EPB41L4B: variants seen among roughly 807,000 people sequenced by gnomAD.
The protein encoded by EPB41L4B is band 4.1-like protein 4B.
Under a neutral mutation model 112.5 loss-of-function variants are expected in EPB41L4B, and 30 were observed. The ratio of observed to expected loss-of-function variants is 0.27; its 90% CI spans 0.20 to 0.36. The LOEUF is 0.36. EPB41L4B is among the 10% of genes least tolerant of loss of function. EPB41L4B has a pLI of 1.00. For synonymous variants in EPB41L4B, 408 were observed against 439.7 expected (o/e 0.93, Z 0.90); for missense variants, 1,024 against 1,133.3 (o/e 0.90, Z 1.38).
chr9:109,320,108 G>A (rs935197427), intron 1 of EPB41L4B, 33 bp downstream of exon 1: 9 of 1,399,874 alleles, frequency 6.4e-6, no homozygotes, highest in South Asian at 4.8e-5. Flanking sequence ...GGGGCGCGAG[G>A]TGCCAGTGCC....
At chr9:109,204,832 T>C (rs1020743041) in intron 18 of EPB41L4B, among the ~76,000 whole-genome samples, 1 of 152,134 alleles carries the variant, frequency 6.6e-6, no homozygotes, top group African/African-American at 2.4e-5. Flanking sequence ...GATAGTACCA[T>C]TGGTCTGTTT....
intron 1 of EPB41L4B, among the ~76,000 whole-genome samples, chr9:109,288,867 C>A (rs1180649003): frequency 2.0e-5 from 3 of 149,828 alleles, no homozygotes; most frequent in Non-Finnish European, 3.0e-5. Flanking sequence ...CCACTGCACT[C>A]TAGCCTGGAT....
At chr9:109,257,135 G>A (rs913973232) in intron 7 of EPB41L4B, among the ~76,000 whole-genome samples, 1 of 152,180 alleles carries the variant, frequency 6.6e-6, no homozygotes, top group Non-Finnish European at 1.5e-5. Flanking sequence ...AGACATTTAC[G>A]TTGTTTCAGT....
chr9:109,320,039 A>C, intron 1 of EPB41L4B, 102 bp downstream of exon 1: 1 of 952,032 alleles, frequency 1.1e-6, no homozygotes, highest in Non-Finnish European at 1.4e-6. Context: ...GGGGATCCCC[A>C]GGGAGGTGCA....
In EPB41L4B at chr9:109,262,814, A is replaced by G. The variant is rs554877409; in HGVS notation, c.631+236T>C. Among the ~76,000 whole-genome samples, 3 of 152,122 alleles carry G rather than the reference A, an allele frequency of 2.0e-5. No individual in the cohort carries two copies. The South Asian group carries it at 6.2e-4, about 32-fold the overall frequency. The stretch of plus-strand genomic sequence containing the variant: ...GACTCATGGTCTTCTCATCCCCACA[A>G]TGGGCCTTCCTTGTCCAAACCTCCT... On this transcript the variant is annotated intron_variant, in intron 6 of 25. Transcript: ENST00000374566.
chr9:109,248,915 CG>C (rs1192680420), intron 13 of EPB41L4B, among the ~76,000 whole-genome samples: 1 of 151,648 alleles, frequency 6.6e-6, no homozygotes, highest in Admixed American at 6.6e-5. Context: ...AAAAATTAGC[CG>C]GGCGTGGTGG....
At position 109,239,202 on chromosome 9, in the gene EPB41L4B, C is replaced by T. The variant is rs116850522; in HGVS notation, c.1409+4416G>A. ...GAGAAGAAAGCCCAAGTATGAATAC[C>T]AAGGCAGAGGTGAACAGACCTAGGT... On this transcript the variant is annotated intron_variant, in intron 15 of 25. Transcript: ENST00000374566. Among the ~76,000 whole-genome samples the T allele has an allele frequency of 5.7e-3, 860 of 152,202 alleles. 14 individuals are homozygous for T. In the East Asian group the frequency reaches 0.081, roughly 14 times the overall value.
At chr9:109,254,316 T>A (rs1198071423) in intron 11 of EPB41L4B, among the ~76,000 whole-genome samples, 2 of 152,224 alleles carry the variant, frequency 1.3e-5, no homozygotes, top group African/African-American at 4.8e-5. Context: ...GTGTCTCCGG[T>A]AACCTCTGCA....
intron 1 of EPB41L4B, among the ~76,000 whole-genome samples, chr9:109,316,860 T>C (rs1482389298): frequency 3.9e-5 from 6 of 152,062 alleles, no homozygotes; most frequent in Admixed American, 2.6e-4. Flanking sequence ...CCAACACTGT[T>C]AGGGGCTGAG....
intron 1 of EPB41L4B, among the ~76,000 whole-genome samples, chr9:109,292,164 T>C (rs955578700): frequency 1.3e-5 from 2 of 152,210 alleles, no homozygotes; most frequent in African/African-American, 2.4e-5. Flanking sequence ...TGTCCAAACA[T>C]GTCTAACACC....
At chr9:109,302,729 G>A (rs1213087703) in intron 1 of EPB41L4B, among the ~76,000 whole-genome samples, 1 of 152,058 alleles carries the variant, frequency 6.6e-6, no homozygotes, top group East Asian at 1.9e-4. Context: ...GTCCTATGAC[G>A]AGTCATAAAG....
rs1211340931 is a variant in EPB41L4B, at chr9:109,191,191, T to C, written c.2301+1087A>G. ...TGGAACAAAGTGAGGTCAAGGCCCA[T>C]GGTACCAAGGAAAGCCCAAAATGGA... is the stretch of plus-strand genomic sequence containing the variant. On this transcript the variant is annotated intron_variant, in intron 22 of 25. Transcript: ENST00000374566. Among the ~76,000 whole-genome samples the C allele has an allele frequency of 5.3e-5, 8 of 152,264 alleles. No homozygotes were observed. In the South Asian group the frequency reaches 1.5e-3, roughly 28 times the overall value.
At chr9:109,287,165 T>C (rs924107868) in intron 1 of EPB41L4B, among the ~76,000 whole-genome samples, 24 of 152,228 alleles carry the variant, frequency 1.6e-4, no homozygotes, top group African/African-American at 5.8e-4. Context: ...GGACAAGGGA[T>C]GGACATTGGG....
At chr9:109,303,770 T>A (rs1253591232) in intron 1 of EPB41L4B, among the ~76,000 whole-genome samples, 1 of 152,142 alleles carries the variant, frequency 6.6e-6, no homozygotes, top group Non-Finnish European at 1.5e-5. Flanking sequence ...TCTCCCTAAA[T>A]GCTAGGATTA....
chr9:109,237,772 T>C (rs534084964), intron 15 of EPB41L4B, among the ~76,000 whole-genome samples: 2 of 151,858 alleles, frequency 1.3e-5, no homozygotes, highest in Admixed American at 6.6e-5. Flanking sequence ...GAGTGGGAGA[T>C]ATGGACAGTT....
chr9:109,227,927 A>G (rs1833839153), intron 15 of EPB41L4B, among the ~76,000 whole-genome samples: 1 of 152,124 alleles, frequency 6.6e-6, no homozygotes, highest in Non-Finnish European at 1.5e-5. Flanking sequence ...AAAGCTGCTG[A>G]CTTTAGGATA....
intron 15 of EPB41L4B, among the ~76,000 whole-genome samples, chr9:109,242,440 G>A (rs1834385370): frequency 6.6e-6 from 1 of 152,206 alleles, no homozygotes; most frequent in South Asian, 2.1e-4. Context: ...GCAATGATAA[G>A]CACAAACTTT....
intron 25 of EPB41L4B, among the ~76,000 whole-genome samples, chr9:109,174,922 T>G (rs951159219): frequency 7.0e-6 from 1 of 142,286 alleles, no homozygotes; most frequent in Non-Finnish European, 1.6e-5. Context: ...GTTTTTTTTT[T>G]TTTTTTTTTT....
intron 2 of EPB41L4B, among the ~76,000 whole-genome samples, chr9:109,270,812 T>C (rs28656790): frequency 0.018 from 2,745 of 152,298 alleles, 78 homozygotes; most frequent in African/African-American, 0.053. Flanking sequence ...GCAGTCTCCT[T>C]GGCTGTGCTT....
Sources: gnomAD v4.1 joint callset for allele counts (sites outside exome capture counted in the v4.1 genomes callset) on GRCh38, gnomAD v4.1.1 for gene constraint, MANE v1.5 for transcripts, NCBI Gene and HGNC (gene_info 2026-07-23, HGNC 2026-07-21) for gene names.